DYRK1A: variants seen among roughly 807,000 people sequenced by gnomAD.
The protein encoded by DYRK1A is dual specificity tyrosine-phosphorylation-regulated kinase 1A.
Under a neutral mutation model 79.7 loss-of-function variants are expected in DYRK1A, and 9 were observed. That is an observed-to-expected ratio of 0.11 (90% CI 0.07 to 0.20). The LOEUF is 0.20. Among genes scored for constraint, DYRK1A ranks in the 10% least tolerant of loss-of-function variants. The pLI, the probability that DYRK1A is intolerant of heterozygous loss-of-function variation, is 1.00. For missense variants in DYRK1A, 622 were observed against 956.0 expected (o/e 0.65, Z 4.61); for synonymous variants, 349 against 329.7 (o/e 1.06, Z -0.63).
chr21:37,380,557 C>T (rs11701900), intron 1 of DYRK1A, among the ~76,000 whole-genome samples: 11,484 of 151,960 alleles, frequency 0.076, 646 homozygotes, highest in Non-Finnish European at 0.11. Context: ...TTAAGATTCA[C>T]GGGAGACAGT....
In DYRK1A at chr21:37,442,593, T is replaced by A. The variant is rs776777001; in HGVS notation, c.10+22209T>A. Among the ~76,000 whole-genome samples the A allele has an allele frequency of 6.6e-5, 10 of 152,206 alleles. No homozygotes were observed. In the South Asian group the frequency reaches 2.1e-3, roughly 32 times the overall value. ...TTTCTATTTCATCATCTCCTCCTCT[T>A]CTTTCTTTTTTTAAAATAGAGACAG... is the stretch of plus-strand genomic sequence containing the variant. On this transcript the variant is annotated intron_variant, in intron 2 of 11. Coordinates refer to ENST00000647188, the MANE Select transcript of DYRK1A (RefSeq NM_001347721.2).
chr21:37,421,472 A>G (rs2050473514), intron 2 of DYRK1A, among the ~76,000 whole-genome samples: 1 of 152,156 alleles, frequency 6.6e-6, no homozygotes, highest in Admixed American at 6.6e-5. Flanking sequence ...TTCATGTAGA[A>G]GTCACCATTT....
At chr21:37,488,320 C>A in intron 6 of DYRK1A, 1 of 964,686 alleles carries the variant, frequency 1.0e-6, no homozygotes, top group Non-Finnish European at 1.2e-6. Context: ...TAGACAAGTT[C>A]ATATCAATTG....
intron 1 of DYRK1A, among the ~76,000 whole-genome samples, chr21:37,417,432 G>T (rs544283396): frequency 1.3e-5 from 2 of 151,594 alleles, no homozygotes; most frequent in Non-Finnish European, 2.9e-5. Flanking sequence ...AACCTCAGGT[G>T]ATACGCCCAC....
intron 3 of DYRK1A, among the ~76,000 whole-genome samples, chr21:37,474,666 A>G (rs1283058873): frequency 6.6e-6 from 1 of 152,224 alleles, no homozygotes; most frequent in Non-Finnish European, 1.5e-5. Flanking sequence ...CCCCCAACAC[A>G]TACAAAGTAC....
chr21:37,504,518 T>C (rs1429415925), intron 9 of DYRK1A: 2 of 152,208 alleles, frequency 1.3e-5, no homozygotes, highest in Admixed American at 6.5e-5. Context: ...TTATGACTTA[T>C]TAGAGGAGGA....
At chr21:37,436,776 T>G (rs2050937344) in intron 2 of DYRK1A, among the ~76,000 whole-genome samples, 1 of 152,188 alleles carries the variant, frequency 6.6e-6, no homozygotes, top group Non-Finnish European at 1.5e-5. Context: ...GCATATATAC[T>G]GAACATGTAT....
At chr21:37,432,608 A>G (rs554837590) in intron 2 of DYRK1A, among the ~76,000 whole-genome samples, 19 of 152,124 alleles carry the variant, frequency 1.2e-4, no homozygotes, top group Non-Finnish European at 2.6e-4. Flanking sequence ...GCTGTGTTCT[A>G]TTTCTACCTA....
intron 1 of DYRK1A, among the ~76,000 whole-genome samples, chr21:37,387,373 T>A (rs1395459154): frequency 6.6e-6 from 1 of 152,260 alleles, no homozygotes; most frequent in South Asian, 2.1e-4. Flanking sequence ...TTGTGTACTA[T>A]GATTACATTT....
Position 37,519,730 on chromosome 21 carries a change from T to C in DYRK1A, c.*7199T>C, listed in dbSNP as rs1601348574. The C allele has an allele frequency of 1.4e-5, 2 of 145,666 alleles. No individual in the cohort carries two copies. The highest frequency in any genetic ancestry group is 5.2e-5 in the African/African-American group (2 of 38,592). 9.0% of individuals were successfully genotyped at this position (145,666 alleles called of 1,614,324 possible). A position where few individuals can be genotyped will look rare whatever the true frequency, so the allele number is the denominator to read the frequency against. ...TATTTAAGAGTTTTGAGGTTTGTTG[T>C]GGGAAGTTTTTTTTTTTTTTTTTTT... On this transcript the variant is annotated 3_prime_UTR_variant, in exon 12 of 12. Coordinates refer to ENST00000647188, the MANE Select transcript of DYRK1A (RefSeq NM_001347721.2).
At chr21:37,443,034 C>T (rs1001654271) in intron 2 of DYRK1A, among the ~76,000 whole-genome samples, 1 of 152,104 alleles carries the variant, frequency 6.6e-6, no homozygotes, top group East Asian at 1.9e-4. Context: ...AACGAAGTCT[C>T]TTGGTGTTGC....
rs774199067 is a variant in DYRK1A at position 37,420,331 on chromosome 21, C to T, written c.-44C>T. Reference sequence around the variant, plus strand: ...GTTTTGCCGCTGGACTCTTCCCTCCCTTCCCCCACCCCATCAGGATGATAT... The same window carrying T: ...GTTTTGCCGCTGGACTCTTCCCTCCTTTCCCCCACCCCATCAGGATGATAT... On this transcript the variant is annotated 5_prime_UTR_variant, in exon 2 of 12. Coordinates refer to ENST00000647188, the MANE Select transcript of DYRK1A (RefSeq NM_001347721.2). The T allele has an allele frequency of 4.4e-6, 7 of 1,606,760 alleles. No homozygotes were observed. Among genetic ancestry groups the T allele is most frequent in the Non-Finnish European group, 6.0e-6 (7 of 1,174,986 alleles).
At chr21:37,477,490 C>T (rs1323417350) in intron 3 of DYRK1A, among the ~76,000 whole-genome samples, 2 of 152,122 alleles carry the variant, frequency 1.3e-5, no homozygotes, top group African/African-American at 4.8e-5. Context: ...CATGCCCCTG[C>T]TCTATCATCT....
In DYRK1A at chr21:37,480,742, C is replaced by T. The variant is rs779649791; in HGVS notation, c.405C>T (p.Asn135=). The stretch of plus-strand genomic sequence containing the variant: ...ACAATGATGGTTATGATGATGATAA[C>T]TATGATTATATTGTAAAAAACGGAG... ...KVYNDGYDDD[N]YDYIVKNGEK... is the part of the protein sequence containing the mutation. Residue 135 remains asparagine (N), a synonymous_variant, in exon 5 of 12, where the codon AAC becomes AAT. Coordinates refer to ENST00000647188, the MANE Select transcript of DYRK1A (RefSeq NM_001347721.2). 1 of 1,612,662 alleles carries T rather than the reference C, an allele frequency of 6.2e-7. No individual in the cohort carries two copies.
At chr21:37,393,182 C>G (rs1190542508) in intron 1 of DYRK1A, among the ~76,000 whole-genome samples, 2 of 152,190 alleles carry the variant, frequency 1.3e-5, no homozygotes, top group Non-Finnish European at 2.9e-5. Context: ...ATCCAGGATG[C>G]TTGCCACATG....
intron 4 of DYRK1A, among the ~76,000 whole-genome samples, chr21:37,479,615 T>TG (rs1569362294): frequency 1.0e-5 from 1 of 99,758 alleles, no homozygotes; most frequent in African/African-American, 4.4e-5. Flanking sequence ...TGTTTTTGTT[T>TG]TTTGTTTTTT....
chr21:37,392,952 A>G (rs533816761), intron 1 of DYRK1A, among the ~76,000 whole-genome samples: 1 of 152,358 alleles, frequency 6.6e-6, no homozygotes, highest in African/African-American at 2.4e-5. Flanking sequence ...GAAAGAGCAG[A>G]AGAGACCAAA....
chr21:37,473,264 T>C (rs2052289409), intron 3 of DYRK1A, among the ~76,000 whole-genome samples: 1 of 152,218 alleles, frequency 6.6e-6, no homozygotes, highest in Non-Finnish European at 1.5e-5. Flanking sequence ...TATTTTAAAC[T>C]ACCTTTCTAC....
intron 7 of DYRK1A, among the ~76,000 whole-genome samples, chr21:37,492,601 A>C (rs1212408450): frequency 6.6e-6 from 1 of 152,226 alleles, no homozygotes; most frequent in African/African-American, 2.4e-5. Flanking sequence ...TAACGCTGAG[A>C]AATACATTGT....
Sources: gnomAD v4.1 joint callset for allele counts (sites outside exome capture counted in the v4.1 genomes callset) on GRCh38, gnomAD v4.1.1 for gene constraint, MANE v1.5 for transcripts, NCBI Gene and HGNC (gene_info 2026-07-23, HGNC 2026-07-21) for gene names.